The following GRM5 variants were observed in gnomAD, a reference collection of about 807,000 sequenced individuals.
GRM5 encodes the protein metabotropic glutamate receptor 5.
In GRM5, 19 loss-of-function variants were observed where a neutral mutation model predicts 83.1. That is an observed-to-expected ratio of 0.23 (90% CI 0.16 to 0.34). GRM5 has a LOEUF of 0.34. Ranked by LOEUF, GRM5 falls within the 10% of genes least tolerant of loss-of-function variation. GRM5 has a pLI of 1.00. For synonymous variants in GRM5, 675 were observed against 633.6 expected (o/e 1.07, Z -0.98); for missense variants, 1,160 against 1,588.3 (o/e 0.73, Z 4.58).
intron 2 of GRM5, among the ~76,000 whole-genome samples, chr11:89,042,057 ATTTTTT>A (rs1565348336): frequency 6.6e-6 from 1 of 151,980 alleles, no homozygotes. Context: ...TTTTATTTTT[ATTTTTT>A]GAGACAGTTT....
intron 7 of GRM5, among the ~76,000 whole-genome samples, chr11:88,568,817 G>A (rs1189990918): frequency 1.3e-5 from 2 of 152,144 alleles, no homozygotes; most frequent in African/African-American, 2.4e-5. Flanking sequence ...TGGTCTAGAT[G>A]TTTTAGAAGA....
intron 2 of GRM5, among the ~76,000 whole-genome samples, chr11:88,995,457 A>G (rs1940151406): frequency 6.6e-6 from 1 of 150,560 alleles, no homozygotes; most frequent in African/African-American, 2.5e-5. Flanking sequence ...AGGCAGAAGA[A>G]TCACTTGAAC....
intron 3 of GRM5, among the ~76,000 whole-genome samples, chr11:88,664,694 G>A (rs182745768): frequency 6.6e-6 from 1 of 152,124 alleles, no homozygotes; most frequent in Admixed American, 6.5e-5. Context: ...TGATCCACCT[G>A]CCTCGGCCTC....
At chr11:88,903,057 C>A (rs1945342290) in intron 2 of GRM5, among the ~76,000 whole-genome samples, 1 of 151,116 alleles carries the variant, frequency 6.6e-6, no homozygotes, top group South Asian at 2.1e-4. Flanking sequence ...GATAAGGTAG[C>A]CAGAGATAGA....
chr11:88,684,658 G>A (rs1294920989), intron 3 of GRM5, among the ~76,000 whole-genome samples: 2 of 152,166 alleles, frequency 1.3e-5, no homozygotes, highest in African/African-American at 4.8e-5. Flanking sequence ...CACCCAAATT[G>A]TACTCCCATA....
intron 3 of GRM5, among the ~76,000 whole-genome samples, chr11:88,814,507 C>A (rs1943637247): frequency 6.6e-6 from 1 of 152,146 alleles, no homozygotes; most frequent in Non-Finnish European, 1.5e-5. Flanking sequence ...AGTAGGAAGT[C>A]TTATAATTCA....
At chr11:88,645,535 G>GAATATA (rs1284178150) in intron 4 of GRM5, among the ~76,000 whole-genome samples, 2 of 152,078 alleles carry the variant, frequency 1.3e-5, no homozygotes, top group African/African-American at 4.8e-5. Context: ...GAGGCATAAA[G>GAATATA]AATATAAATG....
chr11:88,658,104 C>G (rs191261375), intron 3 of GRM5, among the ~76,000 whole-genome samples: 103 of 152,186 alleles, frequency 6.8e-4, no homozygotes, highest in African/African-American at 2.3e-3. Flanking sequence ...GCTCTGTCAC[C>G]TGTTAGATCT....
intron 3 of GRM5, among the ~76,000 whole-genome samples, chr11:88,753,439 T>C (rs182094582): frequency 6.6e-6 from 1 of 152,050 alleles, no homozygotes; most frequent in Admixed American, 6.5e-5. Context: ...TATTAAAAAG[T>C]CAAAAAATAA....
At position 88,746,072 on chromosome 11, in the gene GRM5, C is replaced by T. The variant is rs188616620; in HGVS notation, c.912-92669G>A. Among the ~76,000 whole-genome samples the T allele has an allele frequency of 1.9e-3, 294 of 152,182 alleles. 1 individual carries two copies. The highest frequency in any genetic ancestry group is 6.7e-3 in the African/African-American group (278 of 41,524). On this transcript the variant is annotated intron_variant, in intron 3 of 9. Coordinates refer to ENST00000305447, the MANE Select transcript of GRM5 (RefSeq NM_001143831.3). ...ATGCAATAAATGTTGATCATTATAG[C>T]CCCCTTTGGTTCCAACCTTTGCTAA... is the stretch of plus-strand genomic sequence containing the variant.
intron 3 of GRM5, among the ~76,000 whole-genome samples, chr11:88,731,793 A>T (rs1941813981): frequency 6.6e-6 from 1 of 152,054 alleles, no homozygotes; most frequent in African/African-American, 2.4e-5. Context: ...CAATCACAGC[A>T]TCCATTTTGT....
At chr11:88,945,628 C>A (rs1938258011) in intron 2 of GRM5, among the ~76,000 whole-genome samples, 1 of 151,998 alleles carries the variant, frequency 6.6e-6, no homozygotes. Flanking sequence ...CAAAAATAAG[C>A]AATCAGGTAA....
intron 3 of GRM5, among the ~76,000 whole-genome samples, chr11:88,703,344 G>A (rs138390109): frequency 9.0e-4 from 136 of 151,754 alleles, no homozygotes; most frequent in Middle Eastern, 3.4e-3. Flanking sequence ...GCAATCTTTT[G>A]CAAAGAAACT....
intron 7 of GRM5, 77 bp from the exon 8 acceptor site, chr11:88,568,069 C>A: frequency 3.5e-6 from 3 of 845,282 alleles, no homozygotes; most frequent in Admixed American, 2.6e-5. Flanking sequence ...TTACAAGCAG[C>A]TGTTTATGAC....
At chr11:88,814,371 A>G (rs1249272118) in intron 3 of GRM5, among the ~76,000 whole-genome samples, 1 of 152,180 alleles carries the variant, frequency 6.6e-6, no homozygotes, top group Non-Finnish European at 1.5e-5. Flanking sequence ...TTTAGCAAAT[A>G]ATTTATCAGT....
At chr11:88,810,273 G>C (rs1295799771) in intron 3 of GRM5, among the ~76,000 whole-genome samples, 1 of 152,018 alleles carries the variant, frequency 6.6e-6, no homozygotes, top group African/African-American at 2.4e-5. Flanking sequence ...GGATAGCTGA[G>C]TAAAGCTTTG....
chr11:88,825,087 G>T (rs1943870917), intron 3 of GRM5, among the ~76,000 whole-genome samples: 1 of 151,942 alleles, frequency 6.6e-6, no homozygotes, highest in African/African-American at 2.4e-5. Flanking sequence ...TTAGTGCCTT[G>T]GTCTGCCGTG....
chr11:88,966,423 TG>T (rs1237067163), intron 2 of GRM5, among the ~76,000 whole-genome samples: 2 of 152,000 alleles, frequency 1.3e-5, no homozygotes, highest in Non-Finnish European at 2.9e-5. Context: ...GCTGTGTTTT[TG>T]GAAAAAATAA....
intron 5 of GRM5, among the ~76,000 whole-genome samples, chr11:88,600,607 G>A (rs2135224990): frequency 6.6e-6 from 1 of 152,064 alleles, no homozygotes; most frequent in East Asian, 1.9e-4. Context: ...TTCTATTAAA[G>A]CATTTAAGGT....
Sources: allele counts gnomAD v4.1 joint callset (sites outside exome capture counted in the v4.1 genomes callset), GRCh38; gene constraint gnomAD v4.1.1; transcripts MANE v1.5; gene names NCBI Gene and HGNC (gene_info 2026-07-23, HGNC 2026-07-21).